The following PRKN variants were observed in gnomAD, a reference collection of about 807,000 sequenced individuals.
The protein encoded by PRKN is parkin RBR E3 ubiquitin protein ligase.
Under a neutral mutation model 59.5 loss-of-function variants are expected in PRKN, and 56 were observed. That is an observed-to-expected ratio of 0.94 (90% CI 0.76 to 1.18). The LOEUF (loss-of-function observed/expected upper bound fraction) is 1.18. Among genes scored for constraint, PRKN ranks in the 50% most tolerant of loss-of-function variants. The probability of loss-of-function intolerance (pLI) is 0.00; values close to 1 mark genes in which losing one functional copy is unlikely to be tolerated. For synonymous variants in PRKN, 250 were observed against 222.1 expected (o/e 1.13, Z -1.12); for missense variants, 657 against 596.4 (o/e 1.10, Z -1.06).
intron 4 of PRKN, among the ~76,000 whole-genome samples, chr6:162,147,286 T>C (rs919349478): frequency 1.5e-5 from 2 of 136,452 alleles, no homozygotes; most frequent in Non-Finnish European, 3.0e-5. Context: ...GAGGCTGCAG[T>C]GAGCCAAGAT....
intron 1 of PRKN, among the ~76,000 whole-genome samples, chr6:162,682,774 A>T (rs1779820094): frequency 1.3e-5 from 2 of 152,152 alleles, no homozygotes; most frequent in Admixed American, 1.3e-4. Context: ...CCTTGAACCT[A>T]AAATAAAAGT....
rs576496581 is a variant in PRKN at position 162,004,995 on chromosome 6, G to A, written c.619-31578C>T. ...TTCCATAGGAAAATATTAATTAATTGTCTGTAGGGACACAAAGGAAGACTT... is the reference window on the plus strand; with the variant it reads ...TTCCATAGGAAAATATTAATTAATTATCTGTAGGGACACAAAGGAAGACTT... On this transcript the variant is annotated intron_variant, in intron 5 of 11. Transcript: ENST00000366898. 2.0e-5 allele frequency among the ~76,000 whole-genome samples: 3 copies of A among 152,318 alleles called. No individual in the cohort carries two copies. The South Asian group carries it at 6.2e-4, about 32-fold the overall frequency.
chr6:162,132,806 G>A (rs1262545477), intron 4 of PRKN, among the ~76,000 whole-genome samples: 1 of 152,094 alleles, frequency 6.6e-6, no homozygotes, highest in African/African-American at 2.4e-5. Context: ...GCGGTGGGAT[G>A]GCGGGTTATA....
At chr6:162,553,856 A>ATG (rs1779437809) in intron 1 of PRKN, among the ~76,000 whole-genome samples, 1 of 132,868 alleles carries the variant, frequency 7.5e-6, no homozygotes, top group Non-Finnish European at 1.6e-5. Flanking sequence ...AAAGGGTAAA[A>ATG]GTGAGTGGGG....
chr6:161,750,321 C>T (rs769655746), intron 7 of PRKN, among the ~76,000 whole-genome samples: 13 of 152,198 alleles, frequency 8.5e-5, no homozygotes, highest in Non-Finnish European at 1.5e-4. Flanking sequence ...AAATTTCTTT[C>T]CACACTTTCT....
At chr6:162,519,967 T>C (rs1778020691) in intron 1 of PRKN, among the ~76,000 whole-genome samples, 1 of 152,214 alleles carries the variant, frequency 6.6e-6, no homozygotes, top group Admixed American at 6.5e-5. Context: ...ATACGGCTGA[T>C]GGTTGAGCAC....
intron 7 of PRKN, among the ~76,000 whole-genome samples, chr6:161,629,366 G>A (rs569958940): frequency 1.3e-5 from 2 of 152,018 alleles, no homozygotes; most frequent in Admixed American, 1.3e-4. Flanking sequence ...AGTCAGGAGC[G>A]ATTTCAGAAG....
At chr6:162,654,315 C>T (rs1778558665) in intron 1 of PRKN, among the ~76,000 whole-genome samples, 1 of 152,146 alleles carries the variant, frequency 6.6e-6, no homozygotes, top group Non-Finnish European at 1.5e-5. Flanking sequence ...CTATGAGATG[C>T]ATATTACCAG....
intron 4 of PRKN, among the ~76,000 whole-genome samples, chr6:162,187,625 C>T (rs1444173643): frequency 1.3e-5 from 2 of 152,078 alleles, no homozygotes; most frequent in Admixed American, 6.5e-5. Context: ...TTTCAAGAGA[C>T]TGGACACTAC....
intron 9 of PRKN, among the ~76,000 whole-genome samples, chr6:161,427,321 C>G (rs370205116): frequency 7.9e-5 from 12 of 152,036 alleles, no homozygotes; most frequent in African/African-American, 2.7e-4. Flanking sequence ...GTGCTTTATG[C>G]GAATCATCTT....
At chr6:161,658,775 A>T (rs1784445734) in intron 7 of PRKN, among the ~76,000 whole-genome samples, 1 of 152,236 alleles carries the variant, frequency 6.6e-6, no homozygotes, top group African/African-American at 2.4e-5. Context: ...CTGTTTAGGG[A>T]TCAAATAGAA....
chr6:161,467,432 C>T lies in PRKN; in HGVS notation c.1084-80555G>A, dbSNP rs753193678. ...CACACTTACCAAGTTCTTGTATGTG[C>T]TGGGCATTTAAGAGTGTAATGACGA... On this transcript the variant is annotated intron_variant, in intron 9 of 11. Coordinates refer to ENST00000366898, the MANE Select transcript of PRKN (RefSeq NM_004562.3). The surrounding 1 kb of genome is among the most constrained non-coding windows in gnomAD (Gnocchi z 4.3). Among the ~76,000 whole-genome samples the T allele has an allele frequency of 1.5e-4, 23 of 152,158 alleles. No individual in the cohort carries two copies. The highest frequency in any genetic ancestry group is 2.9e-4 in the Non-Finnish European group (20 of 68,034).
intron 6 of PRKN, among the ~76,000 whole-genome samples, chr6:161,965,363 C>A (rs927136230): frequency 2.6e-5 from 4 of 152,040 alleles, no homozygotes; most frequent in African/African-American, 9.7e-5. Context: ...TAATGCCCAA[C>A]AGGGACCTGG....
At chr6:162,124,691 G>C (rs1037471343) in intron 4 of PRKN, among the ~76,000 whole-genome samples, 1 of 152,124 alleles carries the variant, frequency 6.6e-6, no homozygotes, top group African/African-American at 2.4e-5. Flanking sequence ...TAACATCCAA[G>C]AAAATGCCAC....
chr6:161,995,319 A>C (rs767658296), intron 5 of PRKN, among the ~76,000 whole-genome samples: 11 of 152,192 alleles, frequency 7.2e-5, no homozygotes, highest in Non-Finnish European at 2.9e-5. Context: ...TAGAACTACT[A>C]GAAGAAAACA....
At chr6:162,726,391 G>A (rs1169020801) in intron 1 of PRKN, among the ~76,000 whole-genome samples, 3 of 152,058 alleles carry the variant, frequency 2.0e-5, no homozygotes, top group Non-Finnish European at 2.9e-5. Flanking sequence ...TGAATCTTAC[G>A]TAAATGTCAC....
At chr6:161,816,041 T>G (rs2128214799) in intron 6 of PRKN, among the ~76,000 whole-genome samples, 1 of 152,214 alleles carries the variant, frequency 6.6e-6, no homozygotes, top group Non-Finnish European at 1.5e-5. Flanking sequence ...ATGCAAAAAC[T>G]TGTACACAAA....
At position 161,842,274 on chromosome 6, in the gene PRKN, A is replaced by G. The variant is rs548331472; in HGVS notation, c.735-56366T>C. 1.3e-4 allele frequency among the ~76,000 whole-genome samples: 20 copies of G among 152,068 alleles called. No individual in the cohort carries two copies. In the East Asian group the frequency reaches 3.9e-3, roughly 30 times the overall value. On this transcript the variant is annotated intron_variant, in intron 6 of 11. Coordinates refer to ENST00000366898, the MANE Select transcript of PRKN (RefSeq NM_004562.3). ...AGCACTTTGGGAGGCCAAGGCAGGC[A>G]CACTTAAGTTCAGGAGTTCAAGACC...
intron 2 of PRKN, among the ~76,000 whole-genome samples, chr6:162,332,547 T>C (rs1024808995): frequency 2.0e-5 from 3 of 152,334 alleles, no homozygotes; most frequent in Admixed American, 1.3e-4. Flanking sequence ...CTAGCCCATA[T>C]GGCCCTTCAT....
Sources: gnomAD v4.1 joint callset for allele counts (sites outside exome capture counted in the v4.1 genomes callset) on GRCh38, gnomAD v4.1.1 for gene constraint, Gnocchi (gnomAD v3.1) non-coding constraint, MANE v1.5 for transcripts, NCBI Gene and HGNC (gene_info 2026-07-23, HGNC 2026-07-21) for gene names.